NAV3: variants seen among roughly 807,000 people sequenced by gnomAD.
NAV3 encodes neuron navigator 3.
NAV3 carries 87 observed loss-of-function variants against 244.7 expected under a neutral mutation model. The ratio of observed to expected loss-of-function variants is 0.36; its 90% CI spans 0.30 to 0.42. The LOEUF is 0.42. Ranked by LOEUF, NAV3 falls within the 20% of genes least tolerant of loss-of-function variation. The pLI, the probability that NAV3 is intolerant of heterozygous loss-of-function variation, is 1.00. For missense variants in NAV3, 2,663 were observed against 2,893.3 expected (o/e 0.92, Z 1.83); for synonymous variants, 1,126 against 1,042.2 (o/e 1.08, Z -1.55).
intron 2 of NAV3, among the ~76,000 whole-genome samples, chr12:77,593,374 C>T (rs1188988786): frequency 6.6e-6 from 1 of 151,530 alleles, no homozygotes; most frequent in Non-Finnish European, 1.5e-5. Flanking sequence ...TTCTCTCTCC[C>T]CTTGTTCTCT....
chr12:78,173,658 T>C (rs1187318378), intron 24 of NAV3, among the ~76,000 whole-genome samples: 1 of 151,554 alleles, frequency 6.6e-6, no homozygotes, highest in Non-Finnish European at 1.5e-5. Context: ...GGTTTAGAAG[T>C]TGGTAATGTT....
intron 1 of NAV3, among the ~76,000 whole-genome samples, chr12:77,914,648 G>C (rs973170371): frequency 3.9e-5 from 6 of 151,934 alleles, no homozygotes; most frequent in Non-Finnish European, 8.8e-5. Context: ...CATGATTATG[G>C]AGTGACAATA....
chr12:78,000,499 A>ATTTTT (rs1202996900), intron 7 of NAV3, among the ~76,000 whole-genome samples: 2 of 103,296 alleles, frequency 1.9e-5, no homozygotes, highest in African/African-American at 3.6e-5. Flanking sequence ...CACTTAAAAC[A>ATTTTT]TTTTTTTTTT....
At chr12:78,197,970 C>T (rs1284757628) in intron 35 of NAV3, among the ~76,000 whole-genome samples, 2 of 151,702 alleles carry the variant, frequency 1.3e-5, no homozygotes, top group Non-Finnish European at 2.9e-5. Context: ...ATATAGCTCC[C>T]TCTATTAATG....
intron 2 of NAV3, chr12:77,783,352 C>G (rs1870759431): frequency 6.6e-6 from 1 of 151,996 alleles, no homozygotes; most frequent in African/African-American, 2.4e-5. Context: ...CTCTGATTGC[C>G]AGTATCTGGC....
At chr12:77,620,940 A>G (rs1871346293) in intron 2 of NAV3, among the ~76,000 whole-genome samples, 1 of 152,256 alleles carries the variant, frequency 6.6e-6, no homozygotes, top group Admixed American at 6.5e-5. Flanking sequence ...AACATCGGTG[A>G]CATTGTGGTA....
chr12:77,732,843 G>C (rs930198763), intron 2 of NAV3, among the ~76,000 whole-genome samples: 8 of 152,042 alleles, frequency 5.3e-5, no homozygotes, highest in Non-Finnish European at 5.9e-5. Context: ...CATGGCATTT[G>C]TTGAAAAAGC....
rs748531378 is a variant in NAV3, at chr12:77,766,735, G to GTTTTT, written c.73-173552_73-173548dup. On this transcript the variant is annotated intron_variant, in intron 2 of 8. Coordinates refer to the NAV3 transcript ENST00000550042. ...AGGATTCTAAAAAACAGGCAATTAA[G>GTTTTT]TTTTTTTTTTTTTTTTTTTTTTTTT... Among the ~76,000 whole-genome samples the GTTTTT allele has an allele frequency of 4.3e-4, 26 of 60,516 alleles. 4 individuals are homozygous for GTTTTT. The highest frequency in any genetic ancestry group is 1.6e-3 in the African/African-American group (25 of 15,802). The allele number at this position is 60,516 out of a possible 152,430, so 39.7% of individuals were successfully genotyped here. A position where few individuals can be genotyped will look rare whatever the true frequency, so the allele number is the denominator to read the frequency against.
intron 9 of NAV3, among the ~76,000 whole-genome samples, chr12:78,023,475 TTA>T (rs1378751986): frequency 2.0e-5 from 3 of 152,202 alleles, no homozygotes; most frequent in Non-Finnish European, 4.4e-5. Context: ...CAATAATCAA[TTA>T]TTTACATAAA....
chr12:77,675,271 A>G (rs1397579699), intron 2 of NAV3, among the ~76,000 whole-genome samples: 1 of 152,216 alleles, frequency 6.6e-6, no homozygotes, highest in East Asian at 1.9e-4. Context: ...TAAGAGATTT[A>G]TTGCAAGGAA....
chr12:77,852,969 A>G (rs577425044), intron 1 of NAV3, among the ~76,000 whole-genome samples: 28 of 152,326 alleles, frequency 1.8e-4, no homozygotes, highest in African/African-American at 6.0e-4. Context: ...CGAACATAAG[A>G]AGCGATGTCT....
chr12:77,619,903 ACAGT>A (rs945665960), intron 2 of NAV3, among the ~76,000 whole-genome samples: 7 of 152,070 alleles, frequency 4.6e-5, no homozygotes, highest in Non-Finnish European at 8.8e-5. Context: ...ACACACACAG[ACAGT>A]CTTTGGAAAT....
intron 22 of NAV3, among the ~76,000 whole-genome samples, chr12:78,154,126 A>G (rs1298882769): frequency 7.0e-6 from 1 of 143,842 alleles, no homozygotes; most frequent in African/African-American, 2.5e-5. Flanking sequence ...CTCTAGGCAT[A>G]TATGTGTGTG....
In NAV3 at chr12:78,119,248, G is replaced by A. The variant is rs2138598585; in HGVS notation, c.3052G>A (p.Asp1018Asn). The A allele has an allele frequency of 6.2e-7, 1 of 1,609,082 alleles. No homozygotes were observed. The highest frequency in any genetic ancestry group is 2.2e-5 in the East Asian group (1 of 44,836). Residue 1018 changes from aspartate (D) to asparagine (N), a missense_variant, in exon 15 of 40, where the codon GAT becomes AAT. Coordinates refer to ENST00000397909, the MANE Select transcript of NAV3 (RefSeq NM_001024383.2). Reference sequence around the variant, plus strand: ...TTCTCCTTAATTAGGGAAAACCGATGATGCCAAAGCTTCTGAGAAAGGAAA... The same window carrying A: ...TTCTCCTTAATTAGGGAAAACCGATAATGCCAAAGCTTCTGAGAAAGGAAA... Reference protein sequence around the residue: ...SALKTPGKTDDAKASEKGKAP... With the variant: ...SALKTPGKTDNAKASEKGKAP...
intron 2 of NAV3, among the ~76,000 whole-genome samples, chr12:77,602,746 T>C (rs1441091415): frequency 1.3e-5 from 2 of 152,010 alleles, no homozygotes; most frequent in Admixed American, 1.3e-4. Flanking sequence ...TAAATTACCA[T>C]GCCCATAAAA....
chr12:78,053,240 ATATG>A (rs935495756), intron 11 of NAV3, among the ~76,000 whole-genome samples: 1 of 150,442 alleles, frequency 6.6e-6, no homozygotes, highest in African/African-American at 2.4e-5. Context: ...TATAATATAT[ATATG>A]TATGTATGTA....
chr12:77,983,237 G>T (rs967758203), intron 5 of NAV3, among the ~76,000 whole-genome samples: 1 of 152,176 alleles, frequency 6.6e-6, no homozygotes, highest in African/African-American at 2.4e-5. Flanking sequence ...GGTAGAGAAA[G>T]ATGTGCTTTG....
At chr12:78,070,583 G>C (rs1341168949) in intron 12 of NAV3, among the ~76,000 whole-genome samples, 1 of 151,704 alleles carries the variant, frequency 6.6e-6, no homozygotes, top group African/African-American at 2.4e-5. Context: ...TTAAGTTTTA[G>C]GGTACATGTG....
chr12:77,997,106 G>A (rs1311292490), intron 6 of NAV3, among the ~76,000 whole-genome samples: 1 of 151,888 alleles, frequency 6.6e-6, no homozygotes, highest in African/African-American at 2.4e-5. Flanking sequence ...GGGCATGATA[G>A]CAAGTGCCTG....
Sources: allele counts gnomAD v4.1 joint callset (sites outside exome capture counted in the v4.1 genomes callset), GRCh38; gene constraint gnomAD v4.1.1; transcripts MANE v1.5; gene names NCBI Gene and HGNC (gene_info 2026-07-23, HGNC 2026-07-21).